CTNNA2: variants seen among roughly 807,000 people sequenced by gnomAD.
CTNNA2 encodes the protein catenin alpha-2.
CTNNA2 carries 42 observed loss-of-function variants against 101.0 expected under a neutral mutation model. The ratio of observed to expected loss-of-function variants is 0.42; its 90% CI spans 0.32 to 0.54. CTNNA2 has a LOEUF of 0.54. Ranked by LOEUF, CTNNA2 falls within the 20% of genes least tolerant of loss-of-function variation. CTNNA2 has a pLI of 0.14. For synonymous variants in CTNNA2, 450 were observed against 456.4 expected (o/e 0.99, Z 0.18); for missense variants, 871 against 1,223.1 (o/e 0.71, Z 4.29).
intron 1 of CTNNA2, among the ~76,000 whole-genome samples, chr2:79,525,883 A>G (rs1049568916): frequency 6.6e-6 from 1 of 152,026 alleles, no homozygotes; most frequent in African/African-American, 2.4e-5. Flanking sequence ...TAAAACTCTC[A>G]GTTAACAACA....
At chr2:79,216,036 G>A (rs139833640) in intron 2 of CTNNA2, among the ~76,000 whole-genome samples, 335 of 152,194 alleles carry the variant, frequency 2.2e-3, no homozygotes, top group Non-Finnish European at 2.7e-3. Context: ...GGGAGGGACT[G>A]ATGTGTAAAA....
At chr2:79,250,568 G>T (rs967989168) in intron 2 of CTNNA2, among the ~76,000 whole-genome samples, 1 of 152,188 alleles carries the variant, frequency 6.6e-6, no homozygotes, top group African/African-American at 2.4e-5. Flanking sequence ...AGCGAGACAG[G>T]TAGCTTTTCT....
At chr2:79,783,109 A>G (rs936666103) in intron 3 of CTNNA2, among the ~76,000 whole-genome samples, 4 of 152,112 alleles carry the variant, frequency 2.6e-5, no homozygotes, top group African/African-American at 9.7e-5. Flanking sequence ...TAATCTTGAC[A>G]TTTTATGTCC....
chr2:79,666,672 A>T (rs1682442916), intron 2 of CTNNA2, among the ~76,000 whole-genome samples: 2 of 152,172 alleles, frequency 1.3e-5, no homozygotes, highest in South Asian at 4.1e-4. Context: ...TTCTTTTTGC[A>T]TTGAGACTGA....
intron 3 of CTNNA2, among the ~76,000 whole-genome samples, chr2:79,803,594 T>C (rs1351415660): frequency 6.6e-6 from 1 of 152,248 alleles, no homozygotes; most frequent in African/African-American, 2.4e-5. Flanking sequence ...GGGCCAGGTG[T>C]TCCTTGCCCT....
chr2:79,568,888 G>GAAA (rs1675289703), intron 1 of CTNNA2, among the ~76,000 whole-genome samples: 1 of 112,258 alleles, frequency 8.9e-6, no homozygotes, highest in African/African-American at 4.0e-5. Context: ...AAAAAAAAAA[G>GAAA]CCAGGCATGA....
chr2:79,396,355 C>T (rs978032359), intron 4 of CTNNA2, among the ~76,000 whole-genome samples: 5 of 152,028 alleles, frequency 3.3e-5, no homozygotes, highest in African/African-American at 1.2e-4. Flanking sequence ...GACGGGATTT[C>T]ACTATGTTGG....
intron 17 of CTNNA2, among the ~76,000 whole-genome samples, chr2:80,609,234 A>G (rs1698262038): frequency 6.6e-6 from 1 of 151,850 alleles, no homozygotes; most frequent in Non-Finnish European, 1.5e-5. Context: ...CTAGTCACAA[A>G]GCTCAGGTCT....
intron 7 of CTNNA2, among the ~76,000 whole-genome samples, chr2:80,016,437 C>G (rs1395576166): frequency 6.6e-6 from 1 of 152,082 alleles, no homozygotes; most frequent in African/African-American, 2.4e-5. Flanking sequence ...CTAAGCAAGC[C>G]CAGTCAGCCA....
intron 3 of CTNNA2, among the ~76,000 whole-genome samples, chr2:79,314,430 A>T (rs754901725): frequency 6.6e-6 from 1 of 152,208 alleles, no homozygotes; most frequent in Admixed American, 6.5e-5. Context: ...CAGGAAGAAT[A>T]TGCGTGGGCC....
intron 7 of CTNNA2, among the ~76,000 whole-genome samples, chr2:80,327,872 C>T (rs1273067006): frequency 7.2e-5 from 11 of 152,204 alleles, no homozygotes; most frequent in African/African-American, 1.7e-4. Context: ...ATCATGTATC[C>T]GTTTGCTCAG....
rs190378145 is a variant in CTNNA2, at chr2:80,351,892, A to T, written c.1057-41319A>T. ...GTGCTAGTTACTTGCTTAGTTGATC[A>T]TCTAATTAACATTCAGCATATTAGC... On this transcript the variant is annotated intron_variant, in intron 7 of 18. Transcript: ENST00000402739. Among the ~76,000 whole-genome samples the T allele has an allele frequency of 3.1e-3, 478 of 152,212 alleles. 2 individuals are homozygous for T. Among genetic ancestry groups the T allele is most frequent in the Non-Finnish European group, 4.9e-3 (336 of 68,010 alleles).
exon 2 of CTNNA2, chr2:79,198,006 T>A (rs1572974512): frequency 6.6e-6 from 1 of 152,244 alleles, no homozygotes; most frequent in Non-Finnish European, 1.5e-5. Flanking sequence ...TCTCTTGACC[T>A]CGTGATCCGC....
chr2:79,310,221 G>A (rs868435765), intron 2 of CTNNA2, among the ~76,000 whole-genome samples: 16 of 152,106 alleles, frequency 1.1e-4, no homozygotes, highest in African/African-American at 3.9e-4. Context: ...TGTATTAGTC[G>A]GAACTTCCAA....
chr2:79,898,963 G>C (rs984600052), intron 6 of CTNNA2, among the ~76,000 whole-genome samples: 2 of 152,136 alleles, frequency 1.3e-5, no homozygotes, highest in African/African-American at 4.8e-5. Context: ...TACTGAGGTA[G>C]ATCCAGGAAG....
intron 7 of CTNNA2, among the ~76,000 whole-genome samples, chr2:80,226,679 C>T (rs2149065584): frequency 6.6e-6 from 1 of 152,286 alleles, no homozygotes; most frequent in Non-Finnish European, 1.5e-5. Flanking sequence ...TTTGGGAAGC[C>T]TTTTCGTACA....
At chr2:80,594,561 A>G (rs1573395370) in intron 15 of CTNNA2, among the ~76,000 whole-genome samples, 1 of 151,864 alleles carries the variant, frequency 6.6e-6, no homozygotes, top group Non-Finnish European at 1.5e-5. Flanking sequence ...TTGGTGTCAT[A>G]TGCAAGAAAT....
intron 11 of CTNNA2, among the ~76,000 whole-genome samples, chr2:80,546,456 A>T (rs968217230): frequency 2.0e-5 from 3 of 152,102 alleles, no homozygotes; most frequent in African/African-American, 7.2e-5. Flanking sequence ...GGCTATGTTA[A>T]GTTTTGTTTT....
At chr2:79,393,476 G>C (rs922445084) in intron 4 of CTNNA2, among the ~76,000 whole-genome samples, 1 of 152,006 alleles carries the variant, frequency 6.6e-6, no homozygotes, top group Non-Finnish European at 1.5e-5. Context: ...GAATTGAGTC[G>C]TTGTGGCAGA....
Sources: gnomAD v4.1 joint callset for allele counts (sites outside exome capture counted in the v4.1 genomes callset) on GRCh38, gnomAD v4.1.1 for gene constraint, MANE v1.5 for transcripts, NCBI Gene and HGNC (gene_info 2026-07-23, HGNC 2026-07-21) for gene names.